Variants in OR51B5 observed in about 807,000 individuals in gnomAD.
OR51B5 encodes olfactory receptor 51B5.
For missense variants in OR51B5, 456 were observed against 374.6 expected (o/e 1.22, Z -1.79); for synonymous variants, 186 against 144.8 (o/e 1.28, Z -2.04).
At chr11:5,417,322 C>T (rs1202901948) in intron 1 of OR51B5, among the ~76,000 whole-genome samples, 1 of 151,286 alleles carries the variant, frequency 6.6e-6, no homozygotes, top group Non-Finnish European at 1.5e-5. Context: ...ACCATAAAAA[C>T]CCTAGAAGAA....
chr11:5,423,228 A>C (rs1312543895), intron 1 of OR51B5: 13 of 1,429,062 alleles, frequency 9.1e-6, no homozygotes, highest in Non-Finnish European at 1.0e-5. Context: ...GAATTAGGAA[A>C]CTATAAAATA....
chr11:5,459,924 T>C (rs1390880671), intron 1 of OR51B5, among the ~76,000 whole-genome samples: 11 of 152,128 alleles, frequency 7.2e-5, no homozygotes, highest in African/African-American at 2.7e-4. Context: ...TAAAAACACA[T>C]GTGTATGTTC....
intron 1 of OR51B5, chr11:5,453,936 G>C (rs1375068614): frequency 1.2e-6 from 2 of 1,614,038 alleles, no homozygotes; most frequent in African/African-American, 2.7e-5. Flanking sequence ...AGGTGCAGCT[G>C]CTCGAAGCTT....
At chr11:5,429,348 A>T (rs1447431415) in intron 1 of OR51B5, among the ~76,000 whole-genome samples, 1 of 152,176 alleles carries the variant, frequency 6.6e-6, no homozygotes, top group African/African-American at 2.4e-5. Context: ...CCAATCAGTG[A>T]CTACAAACAC....
intron 1 of OR51B5, among the ~76,000 whole-genome samples, chr11:5,405,083 T>A (rs1200007694): frequency 6.6e-6 from 1 of 152,216 alleles, no homozygotes; most frequent in African/African-American, 2.4e-5. Flanking sequence ...TTTTCTACCT[T>A]GTTGGATGCT....
At chr11:5,441,112 C>T in intron 1 of OR51B5, 2 of 1,613,998 alleles carry the variant, frequency 1.2e-6, no homozygotes, top group Non-Finnish European at 1.7e-6. Flanking sequence ...AGCACAGTGA[C>T]ATAGCGTAAT....
At chr11:5,445,652 G>A (rs1850749385) in intron 1 of OR51B5, among the ~76,000 whole-genome samples, 1 of 150,436 alleles carries the variant, frequency 6.6e-6, no homozygotes, top group Non-Finnish European at 1.5e-5. Context: ...GCCCTATCTA[G>A]AAATATGTTA....
intron 1 of OR51B5, among the ~76,000 whole-genome samples, chr11:5,418,892 C>CAAAAAAAAAA (rs1554889691): frequency 2.0e-5 from 1 of 50,782 alleles, no homozygotes; most frequent in African/African-American, 5.3e-5. Flanking sequence ...AAAAAAAAAG[C>CAAAAAAAAAA]ATCATCTGGT....
intron 1 of OR51B5, among the ~76,000 whole-genome samples, chr11:5,414,367 G>A (rs559500880): frequency 7.0e-6 from 1 of 142,886 alleles, no homozygotes; most frequent in African/African-American, 2.5e-5. Flanking sequence ...GGAAGAAACT[G>A]CATCAACTAA....
intron 1 of OR51B5, among the ~76,000 whole-genome samples, chr11:5,399,109 A>G (rs1351582851): frequency 6.6e-6 from 1 of 152,216 alleles, no homozygotes; most frequent in Admixed American, 6.5e-5. Flanking sequence ...GATGGAAAAC[A>G]AAACAAAAAC....
At chr11:5,382,913 A>C (rs1228660964) in intron 1 of OR51B5, among the ~76,000 whole-genome samples, 1 of 152,008 alleles carries the variant, frequency 6.6e-6, no homozygotes, top group African/African-American at 2.4e-5. Flanking sequence ...ACACAACTCT[A>C]ATCAACCATG....
intron 1 of OR51B5, among the ~76,000 whole-genome samples, chr11:5,491,388 T>C (rs1227059586): frequency 6.6e-6 from 1 of 152,100 alleles, no homozygotes; most frequent in African/African-American, 2.4e-5. Context: ...AGTTCAGTTG[T>C]GGAGGTAAAT....
intron 1 of OR51B5, chr11:5,362,783 G>T: frequency 8.9e-6 from 2 of 224,130 alleles, no homozygotes; most frequent in South Asian, 1.0e-4. Flanking sequence ...GTATCTCCTT[G>T]GTGGCCTCAC....
intron 1 of OR51B5, among the ~76,000 whole-genome samples, chr11:5,466,393 G>A (rs1486220474): frequency 3.9e-5 from 6 of 152,074 alleles, no homozygotes. Flanking sequence ...GCCTTATTAT[G>A]AGAATTCCCA....
chr11:5,385,823 A>C (rs1001516982), intron 1 of OR51B5, among the ~76,000 whole-genome samples: 4 of 148,918 alleles, frequency 2.7e-5, no homozygotes, highest in Non-Finnish European at 5.9e-5. Context: ...AAAGTATATA[A>C]AGAATATATA....
At chr11:5,395,786 A>C (rs1399184045) in intron 1 of OR51B5, among the ~76,000 whole-genome samples, 1 of 152,112 alleles carries the variant, frequency 6.6e-6, no homozygotes, top group Non-Finnish European at 1.5e-5. Context: ...TTGTCCAAAA[A>C]CCTGTGCAAG....
chr11:5,418,970 A>G (rs1437284965), intron 1 of OR51B5, among the ~76,000 whole-genome samples: 1 of 151,762 alleles, frequency 6.6e-6, no homozygotes, highest in Non-Finnish European at 1.5e-5. Flanking sequence ...GTAATAGGGC[A>G]GTTTCTGATT....
chr11:5,372,726 T>C (rs1849464688), intron 1 of OR51B5, among the ~76,000 whole-genome samples: 1 of 152,260 alleles, frequency 6.6e-6, no homozygotes, highest in African/African-American at 2.4e-5. Flanking sequence ...ATGATTGTTT[T>C]CTTTGCTGTG....
chr11:5,342,456 CTTGAAGCTGTATT>C, downstream of OR51B5: 2 of 1,164,268 alleles, frequency 1.7e-6, no homozygotes, highest in Non-Finnish European at 2.3e-6. Flanking sequence ...CTTAGGGAAA[CTTGAAGCTGTATT>C]TTAACACCTA....
Sources: allele counts gnomAD v4.1 joint callset (sites outside exome capture counted in the v4.1 genomes callset), GRCh38; gene constraint gnomAD v4.1.1; transcripts MANE v1.5; gene names NCBI Gene and HGNC (gene_info 2026-07-23, HGNC 2026-07-21).